Variants in EYS observed in about 807,000 individuals in gnomAD.
EYS encodes protein eyes shut homolog.
EYS carries 250 observed loss-of-function variants against 282.1 expected under a neutral mutation model. That is an observed-to-expected ratio of 0.89 (90% CI 0.80 to 0.98). The LOEUF is 0.98. Among genes scored for constraint, EYS ranks in the 50% least tolerant of loss-of-function variants. The probability of loss-of-function intolerance (pLI) is 0.00; values close to 1 mark genes in which losing one functional copy is unlikely to be tolerated. For missense variants in EYS, 4,016 were observed against 3,709.0 expected, an observed-to-expected ratio of 1.08 and a Z score of -2.15; for synonymous variants, 1,355 against 1,282.9, an observed-to-expected ratio of 1.06 and a Z score of -1.20.
At chr6:65,545,286 A>G (rs1295635506) in intron 2 of EYS, among the ~76,000 whole-genome samples, 3 of 151,966 alleles carry the variant, frequency 2.0e-5, no homozygotes, top group African/African-American at 4.8e-5. Flanking sequence ...TATTAAAATA[A>G]AATGTTGTTT....
intron 26 of EYS, among the ~76,000 whole-genome samples, chr6:64,460,213 A>AAAATGTGGAT (rs1249200871): frequency 6.6e-6 from 1 of 152,230 alleles, no homozygotes; most frequent in East Asian, 1.9e-4. Flanking sequence ...ACTATGGCAC[A>AAAATGTGGAT]AAATGTGGAT....
At chr6:64,205,776 G>A (rs2150324636) in intron 31 of EYS, among the ~76,000 whole-genome samples, 2 of 149,540 alleles carry the variant, frequency 1.3e-5, no homozygotes, top group South Asian at 4.2e-4. Flanking sequence ...AACACTTTGT[G>A]GTATTTGTGA....
chr6:65,481,334 G>T (rs1165162795), intron 5 of EYS, among the ~76,000 whole-genome samples: 1 of 144,268 alleles, frequency 6.9e-6, no homozygotes, highest in East Asian at 2.1e-4. Flanking sequence ...ATGTATATCT[G>T]TTTAATAATT....
At chr6:64,950,786 C>CATATATAT (rs1212190228) in intron 14 of EYS, among the ~76,000 whole-genome samples, 1 of 84,864 alleles carries the variant, frequency 1.2e-5, no homozygotes, top group African/African-American at 5.0e-5. Context: ...AATATATACA[C>CATATATAT]ATATACATAT....
chr6:64,748,974 T>A (rs1232695853), intron 22 of EYS, among the ~76,000 whole-genome samples: 1 of 152,156 alleles, frequency 6.6e-6, no homozygotes, highest in African/African-American at 2.4e-5. Flanking sequence ...GGTTTCACCA[T>A]GTTGGCCAGG....
chr6:65,494,621 T>C, intron 4 of EYS, 42 bp downstream of exon 4: 1 of 1,480,634 alleles, frequency 6.8e-7, no homozygotes, highest in Non-Finnish European at 9.2e-7. Context: ...ATGCACTGTG[T>C]TTCTCTATTT....
intron 22 of EYS, among the ~76,000 whole-genome samples, chr6:64,739,518 A>T (rs911074677): frequency 3.3e-5 from 5 of 152,188 alleles, no homozygotes; most frequent in Non-Finnish European, 5.9e-5. Flanking sequence ...AGATCTGTTT[A>T]GGCATCTTAA....
intron 13 of EYS, among the ~76,000 whole-genome samples, chr6:65,006,018 T>C (rs1247509224): frequency 1.3e-5 from 2 of 151,954 alleles, no homozygotes; most frequent in Admixed American, 6.6e-5. Context: ...AAGTTGTATC[T>C]CCAAAGGGAT....
chr6:64,518,039 C>T (rs576381050), intron 26 of EYS, among the ~76,000 whole-genome samples: 5 of 151,748 alleles, frequency 3.3e-5, no homozygotes, highest in Non-Finnish European at 5.9e-5. Context: ...TGCAAAAGTG[C>T]CCTACAAGGC....
At chr6:64,593,825 C>T (rs538508196) in intron 24 of EYS, among the ~76,000 whole-genome samples, 40 of 152,050 alleles carry the variant, frequency 2.6e-4, no homozygotes, top group Non-Finnish European at 5.0e-4. Flanking sequence ...CATGAAAAGG[C>T]TATTTCTACC....
chr6:64,792,271 G>GT (rs1774214452), intron 22 of EYS, among the ~76,000 whole-genome samples: 1 of 151,910 alleles, frequency 6.6e-6, no homozygotes, highest in African/African-American at 2.4e-5. Flanking sequence ...CAATATGATG[G>GT]TAAGAAGAAT....
At chr6:63,914,543 T>C (rs1764369061) in intron 35 of EYS, among the ~76,000 whole-genome samples, 1 of 152,042 alleles carries the variant, frequency 6.6e-6, no homozygotes, top group Non-Finnish European at 1.5e-5. Flanking sequence ...ACCCCATCTC[T>C]ACTAAAATAC....
intron 12 of EYS, among the ~76,000 whole-genome samples, chr6:65,145,005 A>G (rs541856298): frequency 2.4e-4 from 36 of 151,872 alleles, no homozygotes; most frequent in Non-Finnish European, 4.9e-4. Context: ...TCCTGACCTC[A>G]TGTGATCCAC....
chr6:64,143,705 T>TCAGCCA (rs1165781954), intron 31 of EYS, among the ~76,000 whole-genome samples: 2 of 152,222 alleles, frequency 1.3e-5, no homozygotes, highest in African/African-American at 2.4e-5. Context: ...GCCAGATGTG[T>TCAGCCA]CAGCCACAGA....
At chr6:64,847,368 G>A (rs1765748639) in intron 19 of EYS, among the ~76,000 whole-genome samples, 1 of 151,900 alleles carries the variant, frequency 6.6e-6, no homozygotes. Context: ...AATCAAAAAT[G>A]ATTTACAAAA....
intron 2 of EYS, among the ~76,000 whole-genome samples, chr6:65,563,162 G>A (rs1451628025): frequency 2.6e-5 from 4 of 152,060 alleles, no homozygotes; most frequent in African/African-American, 7.2e-5. Context: ...CCTGGCTTGT[G>A]AGACAATCTT....
At chr6:64,531,173 G>A (rs1385839040) in intron 26 of EYS, among the ~76,000 whole-genome samples, 1 of 151,980 alleles carries the variant, frequency 6.6e-6, no homozygotes, top group African/African-American at 2.4e-5. Flanking sequence ...TTCTTAATAA[G>A]TAAAATTAAA....
chr6:63,999,258 A>G (rs572796369), intron 33 of EYS, 75 bp from the exon 34 acceptor site: 1 of 905,474 alleles, frequency 1.1e-6, no homozygotes, highest in East Asian at 2.6e-5. Flanking sequence ...CATGGATAGT[A>G]AGTACTTCTT....
chr6:64,837,109 A>G (rs185119235), intron 19 of EYS, among the ~76,000 whole-genome samples: 63 of 151,876 alleles, frequency 4.1e-4, no homozygotes, highest in African/African-American at 1.1e-3. Context: ...GGTTATAGCA[A>G]TAAAAAATTG....
Sources: allele counts gnomAD v4.1 joint callset (sites outside exome capture counted in the v4.1 genomes callset), GRCh38; gene constraint gnomAD v4.1.1; transcripts MANE v1.5; gene names NCBI Gene and HGNC (gene_info 2026-07-23, HGNC 2026-07-21).